RBFOX1: variants seen among roughly 807,000 people sequenced by gnomAD.
RBFOX1 encodes the protein RNA binding protein fox-1 homolog 1.
RBFOX1 carries 8 observed loss-of-function variants against 57.7 expected under a neutral mutation model. The ratio of observed to expected loss-of-function variants is 0.14; its 90% CI spans 0.08 to 0.25. RBFOX1 has a LOEUF of 0.25. RBFOX1 is among the 10% of genes least tolerant of loss of function. RBFOX1 has a pLI of 1.00. For synonymous variants in RBFOX1, 326 were observed against 222.4 expected, an observed-to-expected ratio of 1.47 and a Z score of -4.15; for missense variants, 611 against 548.5, an observed-to-expected ratio of 1.11 and a Z score of -1.14.
At chr16:6,043,379 T>C (rs1297466980) in intron 1 of RBFOX1, among the ~76,000 whole-genome samples, 1 of 152,164 alleles carries the variant, frequency 6.6e-6, no homozygotes, top group Non-Finnish European at 1.5e-5. Context: ...TTTCAAAATA[T>C]GTCAAAGAAA....
chr16:5,825,289 A>T (rs757440177), intron 3 of RBFOX1, among the ~76,000 whole-genome samples: 1 of 152,236 alleles, frequency 6.6e-6, no homozygotes, highest in Non-Finnish European at 1.5e-5. Context: ...CCAGGTTCAG[A>T]GATGTTCCCT....
chr16:7,055,270 A>C (rs2153736146), intron 4 of RBFOX1, among the ~76,000 whole-genome samples: 1 of 152,162 alleles, frequency 6.6e-6, no homozygotes, highest in Non-Finnish European at 1.5e-5. Flanking sequence ...TATAGAACAT[A>C]CTCTTGAGAT....
chr16:6,650,138 C>T (rs937584875), intron 2 of RBFOX1, among the ~76,000 whole-genome samples: 1 of 152,148 alleles, frequency 6.6e-6, no homozygotes, highest in East Asian at 1.9e-4. Flanking sequence ...TTTTGAGAAG[C>T]CTCCACACCG....
chr16:6,407,721 C>G (rs748633672), intron 2 of RBFOX1, among the ~76,000 whole-genome samples: 13 of 152,046 alleles, frequency 8.6e-5, no homozygotes, highest in Non-Finnish European at 1.8e-4. Flanking sequence ...GTGGTAAGTG[C>G]TATGAAGGAA....
intron 4 of RBFOX1, among the ~76,000 whole-genome samples, chr16:7,299,057 A>G (rs2095967785): frequency 6.6e-6 from 1 of 152,234 alleles, no homozygotes; most frequent in Non-Finnish European, 1.5e-5. Flanking sequence ...GATATCTAGA[A>G]TTAGAATAGT....
intron 3 of RBFOX1, among the ~76,000 whole-genome samples, chr16:6,662,251 G>C (rs1169165909): frequency 6.6e-6 from 1 of 152,112 alleles, no homozygotes; most frequent in Admixed American, 6.5e-5. Context: ...TTTTAGACTT[G>C]AAATGCGGTA....
chr16:6,444,486 T>A (rs1231246288), intron 2 of RBFOX1, among the ~76,000 whole-genome samples: 1 of 152,130 alleles, frequency 6.6e-6, no homozygotes, highest in Non-Finnish European at 1.5e-5. Flanking sequence ...TCTCATGAGA[T>A]CTGATGGTTT....
rs28366885 is a variant in RBFOX1 at position 6,952,880 on chromosome 16, C to T, written c.-15-99177C>T. On this transcript the variant is annotated intron_variant, in intron 3 of 15. Coordinates refer to ENST00000550418, the MANE Select transcript of RBFOX1 (RefSeq NM_018723.4). ...ATCCCAGCTATTGGGGAGGCTGAGG[C>T]AGGAGAAGGGCTTGAACCCAGGTGG... Among the ~76,000 whole-genome samples the T allele has an allele frequency of 8.7e-3, 1,326 of 151,994 alleles. 15 individuals carry two copies. The highest frequency in any genetic ancestry group is 0.03 in the African/African-American group (1,236 of 41,424).
chr16:7,209,468 C>A (rs991371857), intron 4 of RBFOX1, among the ~76,000 whole-genome samples: 1 of 152,142 alleles, frequency 6.6e-6, no homozygotes, highest in African/African-American at 2.4e-5. Context: ...TGGATAATAA[C>A]CTCAAGGCCT....
intron 4 of RBFOX1, among the ~76,000 whole-genome samples, chr16:7,226,184 T>C (rs28669312): frequency 0.039 from 5,901 of 152,220 alleles, 132 homozygotes; most frequent in Middle Eastern, 0.065. Flanking sequence ...GGGATAACTC[T>C]CAGGTACCCT....
chr16:7,413,627 C>T (rs971449314), intron 4 of RBFOX1, among the ~76,000 whole-genome samples: 24 of 152,070 alleles, frequency 1.6e-4, no homozygotes, highest in African/African-American at 5.6e-4. Context: ...TGTCCTCTTG[C>T]TATTCCCAGG....
chr16:7,684,121 T>C (rs1369642101), intron 14 of RBFOX1, among the ~76,000 whole-genome samples: 3 of 152,102 alleles, frequency 2.0e-5, no homozygotes. Flanking sequence ...GAAATTCTTT[T>C]CCAGAAGAAC....
At chr16:7,385,645 C>G (rs749904074) in intron 4 of RBFOX1, among the ~76,000 whole-genome samples, 5 of 152,126 alleles carry the variant, frequency 3.3e-5, no homozygotes, top group African/African-American at 1.2e-4. Flanking sequence ...GTTTTCAAAA[C>G]CTGTACCTGG....
At chr16:7,107,532 A>G (rs1386729898) in intron 4 of RBFOX1, among the ~76,000 whole-genome samples, 1 of 151,966 alleles carries the variant, frequency 6.6e-6, no homozygotes, top group African/African-American at 2.4e-5. Context: ...TGATAACTTG[A>G]CTTCTGTGCA....
In RBFOX1 at chr16:7,604,461, G is replaced by C. The variant is rs76727669; in HGVS notation, c.623-2824G>C. Among the ~76,000 whole-genome samples, 509 of 152,332 alleles carry C rather than the reference G, an allele frequency of 3.3e-3. 2 individuals are homozygous for C. The highest frequency in any genetic ancestry group is 5.2e-3 in the Non-Finnish European group (356 of 68,038). On this transcript the variant is annotated intron_variant, in intron 9 of 15. Transcript: ENST00000550418. ...TCACGATTAATACTTGCAAACATGA[G>C]ATAGCACAGATCTCCTGATGAAGGA... is the stretch of plus-strand genomic sequence containing the variant.
chr16:6,797,539 A>T (rs1364979882), intron 3 of RBFOX1, among the ~76,000 whole-genome samples: 1 of 152,126 alleles, frequency 6.6e-6, no homozygotes, highest in African/African-American at 2.4e-5. Context: ...CATTTACTGC[A>T]CCTATTATAT....
intron 1 of RBFOX1, among the ~76,000 whole-genome samples, chr16:5,286,332 G>C (rs1337546553): frequency 6.6e-6 from 1 of 152,066 alleles, no homozygotes; most frequent in African/African-American, 2.4e-5. Context: ...TGGTGTGTGT[G>C]GCATTCTGAT....
chr16:6,048,351 C>G (rs1224344372), intron 1 of RBFOX1, among the ~76,000 whole-genome samples: 1 of 152,124 alleles, frequency 6.6e-6, no homozygotes, highest in Non-Finnish European at 1.5e-5. Flanking sequence ...TATCTATAAT[C>G]TGGGATGTTT....
chr16:5,808,996 C>T (rs2055327492), intron 3 of RBFOX1, among the ~76,000 whole-genome samples: 1 of 152,134 alleles, frequency 6.6e-6, no homozygotes, highest in African/African-American at 2.4e-5. Context: ...CTGTCTTGTG[C>T]CAGTTTTCAA....
Sources: allele counts gnomAD v4.1 joint callset (sites outside exome capture counted in the v4.1 genomes callset), GRCh38; gene constraint gnomAD v4.1.1; transcripts MANE v1.5; gene names NCBI Gene and HGNC (gene_info 2026-07-23, HGNC 2026-07-21).